The following SLC17A2 variants were observed in gnomAD, a reference collection of about 807,000 sequenced individuals.
SLC17A2 encodes the protein sodium-dependent phosphate transport protein 3.
In SLC17A2, 38 loss-of-function variants were observed where a neutral mutation model predicts 52.1. The ratio of observed to expected loss-of-function variants is 0.73; its 90% CI spans 0.56 to 0.96. SLC17A2 has a LOEUF of 0.96. Ranked by LOEUF, SLC17A2 falls within the 40% of genes least tolerant of loss-of-function variation. SLC17A2 has a pLI of 0.00. For synonymous variants in SLC17A2, 226 were observed against 211.9 expected, an observed-to-expected ratio of 1.07 and a Z score of -0.58; for missense variants, 508 against 583.9, an observed-to-expected ratio of 0.87 and a Z score of 1.34.
intron 1 of SLC17A2, among the ~76,000 whole-genome samples, chr6:25,926,943 G>A (rs1328751039): frequency 6.6e-6 from 1 of 152,160 alleles, no homozygotes; most frequent in Non-Finnish European, 1.5e-5. Flanking sequence ...GCACATGCCT[G>A]TAGACCCTGC....
At chr6:25,922,403 A>G (rs1473830638) in intron 3 of SLC17A2, among the ~76,000 whole-genome samples, 1 of 152,254 alleles carries the variant, frequency 6.6e-6, no homozygotes, top group Non-Finnish European at 1.5e-5. Flanking sequence ...AGAAACTAAC[A>G]GGGACTCTGG....
chr6:25,915,983 A>G, intron 8 of SLC17A2, 115 bp from the exon 9 acceptor site: 3 of 896,016 alleles, frequency 3.3e-6, no homozygotes, highest in Non-Finnish European at 5.0e-6. Flanking sequence ...TGTTTGGGGG[A>G]AAATTAGCAT....
chr6:25,918,234 G>A (rs1049602492), intron 6 of SLC17A2, among the ~76,000 whole-genome samples: 4 of 152,240 alleles, frequency 2.6e-5, no homozygotes, highest in Non-Finnish European at 5.9e-5. Context: ...GGACAAGACT[G>A]CATCACAAGT....
rs756664841 is a variant in SLC17A2 at position 25,916,925 on chromosome 6, TAGA to T, written c.768+41_768+43del. The T allele has an allele frequency of 1.0e-3, 1,647 of 1,604,222 alleles. 23 individuals are homozygous for T. The South Asian group carries it at 0.017, about 17-fold the overall frequency. On this transcript the variant is annotated intron_variant, in intron 7 of 11. Coordinates refer to ENST00000377850, the MANE Select transcript of SLC17A2 (RefSeq NM_001286123.3). ...CTCAGAGGAGATCCACACCCTGCCC[TAGA>T]GACCTCTGCATGGGCCACAGGTACA...
Position 25,915,823 on chromosome 6 carries a change from T to C in SLC17A2, c.976A>G (p.Thr326Ala). Reference sequence around the variant, plus strand: ...TCTGCCAGCTGACCTCCTAAAATTGTACAGCTTGCAGCAGCAATAAAAGGC... The same window carrying C: ...TCTGCCAGCTGACCTCCTAAAATTGCACAGCTTGCAGCAGCAATAAAAGGC... Reference protein sequence around the residue: ...SLPFIAAASCTILGGQLADFL... With the variant: ...SLPFIAAASCAILGGQLADFL... Residue 326 changes from threonine to alanine, a missense_variant, in exon 9 of 12, where the codon ACA becomes GCA. Coordinates refer to ENST00000377850, the MANE Select transcript of SLC17A2 (RefSeq NM_001286123.3). 6.2e-7 allele frequency: 1 copy of C among 1,614,110 alleles called. No homozygotes were observed. The highest frequency in any genetic ancestry group is 2.2e-5 in the East Asian group (1 of 44,888).
chr6:25,921,529 C>G, intron 3 of SLC17A2, 117 bp from the exon 4 acceptor site: 3 of 686,148 alleles, frequency 4.4e-6, no homozygotes, highest in African/African-American at 1.8e-5. Context: ...TTTTGTTTCT[C>G]TCTATATTCT....
chr6:25,921,449 C>T (rs1329793671), intron 3 of SLC17A2, 37 bp from the exon 4 acceptor site: 3 of 1,463,746 alleles, frequency 2.0e-6, no homozygotes, highest in South Asian at 1.2e-5. Flanking sequence ...GTCAAGAAGT[C>T]CTATTATGAA....
Position 25,917,092 on chromosome 6 carries a change from G to A in SLC17A2, c.650-5C>T, listed in dbSNP as rs1485788096. Reference sequence around the variant, plus strand: ...AGCAGACACAGCCAGTGCTACCTGGGAAGAAGGGATAAAATTAGTTTTTAG... The same window carrying A: ...AGCAGACACAGCCAGTGCTACCTGGAAAGAAGGGATAAAATTAGTTTTTAG... On this transcript the variant is annotated splice_region_variant and splice_polypyrimidine_tract_variant and intron_variant, in intron 6 of 11. Coordinates refer to ENST00000377850, the MANE Select transcript of SLC17A2 (RefSeq NM_001286123.3). The A allele has an allele frequency of 1.2e-6, 2 of 1,609,056 alleles. No individual in the cohort carries two copies. Among genetic ancestry groups the A allele is most frequent in the Non-Finnish European group, 1.7e-6 (2 of 1,175,542 alleles).
intron 5 of SLC17A2, among the ~76,000 whole-genome samples, 190 bp from the exon 6 acceptor site, chr6:25,918,763 A>T (rs967519324): frequency 1.3e-5 from 2 of 152,256 alleles, no homozygotes; most frequent in Non-Finnish European, 2.9e-5. Flanking sequence ...AACAAATAAT[A>T]GTAACACACT....
chr6:25,918,245 C>T (rs9295675), intron 6 of SLC17A2, among the ~76,000 whole-genome samples: 16,165 of 152,192 alleles, frequency 0.11, 1,049 homozygotes, highest in African/African-American at 0.17. Context: ...CATCACAAGT[C>T]GGTGGGTGCC....
chr6:25,919,757 A>C (rs749857887), intron 5 of SLC17A2, among the ~76,000 whole-genome samples: 1 of 147,908 alleles, frequency 6.8e-6, no homozygotes, highest in Non-Finnish European at 1.5e-5. Context: ...TAAGCTATGC[A>C]ATAGGATAGA....
rs534449729 is a variant in SLC17A2, at chr6:25,913,072, G to A, written c.*245C>T. On this transcript the variant is annotated 3_prime_UTR_variant, in exon 12 of 12. Transcript: ENST00000377850. Reference sequence around the variant, plus strand: ...TGTCCAGCTGTTGTCAACCCCGGGCGCATGCTAGAAACCTCTAAGGAGTAT... The same window carrying A: ...TGTCCAGCTGTTGTCAACCCCGGGCACATGCTAGAAACCTCTAAGGAGTAT... 4 of 384,850 alleles carry A rather than the reference G, an allele frequency of 1.0e-5. No homozygotes were observed. Among genetic ancestry groups the A allele is most frequent in the South Asian group, 1.8e-4 (2 of 10,980 alleles). The allele number at this position is 384,850 out of a possible 1,614,324, so 23.8% of individuals were successfully genotyped here.
Position 25,925,800 on chromosome 6 carries a change from G to C in SLC17A2, c.-4C>G, listed in dbSNP as rs368668350. On this transcript the variant is annotated 5_prime_UTR_variant, in exon 2 of 12. Transcript: ENST00000377850. Reference sequence around the variant, plus strand: ...TGGTGGCAGGCTTCCCGTCCATTTAGCTTCTGTGGGAAATGGTACCACGCT... The same window carrying C: ...TGGTGGCAGGCTTCCCGTCCATTTACCTTCTGTGGGAAATGGTACCACGCT... 6 of 1,613,994 alleles carry C rather than the reference G, an allele frequency of 3.7e-6. No homozygotes were observed. The highest frequency in any genetic ancestry group is 4.2e-6 in the Non-Finnish European group (5 of 1,179,930).
At chr6:25,919,699 CAAAAA>C (rs766352177) in intron 5 of SLC17A2, among the ~76,000 whole-genome samples, 149 of 31,130 alleles carry the variant, frequency 4.8e-3, no homozygotes, top group East Asian at 0.025. Flanking sequence ...GACACCGTCT[CAAAAA>C]AAAAAAAAAA....
chr6:25,921,067 A>G lies in SLC17A2; in HGVS notation c.501T>C (p.Thr167=). The G allele has an allele frequency of 1.2e-6, 2 of 1,614,218 alleles. No individual in the cohort carries two copies. The highest frequency in any genetic ancestry group is 8.5e-7 in the Non-Finnish European group (1 of 1,180,040). Residue 167 remains threonine (T), a synonymous_variant, in exon 5 of 12, where the codon ACT becomes ACC. Coordinates refer to ENST00000377850, the MANE Select transcript of SLC17A2 (RefSeq NM_001286123.3). ...AQGMAWTGQF[T]IWAKWAPPLE... is the part of the protein sequence containing the mutation. ...GTGGAGGAGCCCACTTTGCCCAAAT[A>G]GTAAACTGACCTGTCCATGCCATTC...
At position 25,925,758 on chromosome 6, in the gene SLC17A2, A is replaced by G. The variant is rs761158462; in HGVS notation, c.28+11T>C. On this transcript the variant is annotated intron_variant, in intron 2 of 11. Transcript: ENST00000377850. ...ATTAACATAGCCTGCAAACAAGAGC[A>G]GTGGCTTTACCTTTCCTGGTGGCAG... is the stretch of plus-strand genomic sequence containing the variant. The G allele has an allele frequency of 6.2e-7, 1 of 1,613,130 alleles. No individual in the cohort carries two copies. Among genetic ancestry groups the G allele is most frequent in the East Asian group, 2.2e-5 (1 of 44,882 alleles).
rs534932185 is a variant in SLC17A2 at position 25,916,693 on chromosome 6, T to C, written c.922A>G (p.Ile308Val). ...ATAGGAAGTAAACTCACATCTCTGA[T>C]GTTAACATGGAGCAGAGTACTGATA... ...TYISTLLHVN[I>V]RDSGVLSSLP... The change falls in exon 8 of 12, where the codon ATC (isoleucine) becomes GTC (valine). Residue 308 changes from isoleucine (I) to valine (V), a missense_variant. Coordinates refer to ENST00000377850, the MANE Select transcript of SLC17A2 (RefSeq NM_001286123.3). The C allele has an allele frequency of 6.8e-6, 11 of 1,612,548 alleles. No individual in the cohort carries two copies. The highest frequency in any genetic ancestry group is 2.2e-5 in the East Asian group (1 of 44,876).
rs376757890 is a variant in SLC17A2 at position 25,913,298 on chromosome 6, A to G, written c.*19T>C. The G allele has an allele frequency of 1.9e-6, 3 of 1,614,000 alleles. No homozygotes were observed. Among genetic ancestry groups the G allele is most frequent in the Non-Finnish European group, 1.7e-6 (2 of 1,179,858 alleles). ...AAGTTCATGCTCAGTACCACATTTA[A>G]GTTTGTAACTTTATGTCCTCAGAGG... On this transcript the variant is annotated 3_prime_UTR_variant, in exon 12 of 12. Coordinates refer to ENST00000377850, the MANE Select transcript of SLC17A2 (RefSeq NM_001286123.3).
intron 10 of SLC17A2, 128 bp from the exon 11 acceptor site, chr6:25,914,798 C>T: frequency 6.4e-6 from 4 of 624,348 alleles, no homozygotes; most frequent in Non-Finnish European, 1.1e-5. Flanking sequence ...TTTCATTCAC[C>T]TAAAGACATT....
Sources: allele counts gnomAD v4.1 joint callset (sites outside exome capture counted in the v4.1 genomes callset), GRCh38; gene constraint gnomAD v4.1.1; transcripts MANE v1.5; gene names NCBI Gene and HGNC (gene_info 2026-07-23, HGNC 2026-07-21).